The following HIPK3 variants were observed in gnomAD, a reference collection of about 807,000 sequenced individuals.
HIPK3 encodes homeodomain interacting protein kinase 3, also known as homeodomain-interacting protein kinase 3.
A neutral mutation model predicts 124.2 loss-of-function variants in HIPK3; 47 were observed. That is an observed-to-expected ratio of 0.38 (90% CI 0.30 to 0.48). The LOEUF (loss-of-function observed/expected upper bound fraction) is 0.48, where lower values mean the gene tolerates loss of function less well. Ranked by LOEUF, HIPK3 falls within the 20% of genes least tolerant of loss-of-function variation. The pLI, the probability that HIPK3 is intolerant of heterozygous loss-of-function variation, is 0.98. For missense variants in HIPK3, 1,286 were observed against 1,454.3 expected (o/e 0.88, Z 1.88); for synonymous variants, 482 against 515.2 (o/e 0.94, Z 0.87).
intron 1 of HIPK3, among the ~76,000 whole-genome samples, chr11:33,285,806 C>G (rs957923899): frequency 3.9e-5 from 6 of 151,904 alleles, no homozygotes; most frequent in Non-Finnish European, 8.8e-5. Context: ...GAGTCTTGCT[C>G]TGTCTCACAG....
At chr11:33,336,785 G>C (rs959584169) in intron 3 of HIPK3, among the ~76,000 whole-genome samples, 18 of 151,980 alleles carry the variant, frequency 1.2e-4, no homozygotes, top group Admixed American at 1.2e-3. Context: ...CACTCTTTCA[G>C]TGCAAACTCC....
At position 33,351,658 on chromosome 11, in the gene HIPK3, C is replaced by T. The variant is rs760789845; in HGVS notation, c.2858C>T (p.Pro953Leu). Reference protein sequence around the residue: ...ESSCDTVDGSPTSDSSGHDSP... With the variant: ...ESSCDTVDGSLTSDSSGHDSP... Reference sequence around the variant, plus strand: ...AGTTGTGATACGGTGGATGGCTCTCCGACATCTGACTCTTCCGGGCATGAC... The same window carrying T: ...AGTTGTGATACGGTGGATGGCTCTCTGACATCTGACTCTTCCGGGCATGAC... Residue 953 changes from proline (P) to leucine (L), a missense_variant, in exon 15 of 17, where the codon CCG (proline) becomes CTG (leucine). Coordinates refer to ENST00000303296, the MANE Select transcript of HIPK3 (RefSeq NM_005734.5). 105 of 1,614,048 alleles carry T rather than the reference C, an allele frequency of 6.5e-5. No individual in the cohort carries two copies. The highest frequency in any genetic ancestry group is 8.1e-5 in the Non-Finnish European group (95 of 1,180,030).
In HIPK3 at chr11:33,286,466, A is replaced by C; in HGVS notation, c.52A>C (p.Ser18Arg). 1 of 1,611,286 alleles carries C rather than the reference A, an allele frequency of 6.2e-7. No individual in the cohort carries two copies. Among genetic ancestry groups the C allele is most frequent in the Non-Finnish European group, 8.5e-7 (1 of 1,179,568 alleles). Residue 18 changes from serine (S) to arginine (R), a missense_variant, in exon 2 of 17, where the codon AGT (serine) becomes CGT (arginine). Physicochemically the swap from Ser to Arg is moderately radical, Grantham distance 110. Coordinates refer to ENST00000303296, the MANE Select transcript of HIPK3 (RefSeq NM_005734.5). ...YPPYVYQTQS[S>R]AFCSVKKLKV... is the part of the protein sequence containing the mutation. ...ACCATATGTTTATCAAACTCAGTCA[A>C]GTGCCTTTTGTAGTGTGAAGAAACT...
chr11:33,349,710 C>A (rs939476750), intron 14 of HIPK3, among the ~76,000 whole-genome samples: 2 of 152,088 alleles, frequency 1.3e-5, no homozygotes, highest in African/African-American at 4.8e-5. Context: ...CTTGGCCTCC[C>A]AAAGTGCTGG....
intron 2 of HIPK3, among the ~76,000 whole-genome samples, chr11:33,325,206 T>C (rs1450876354): frequency 1.3e-5 from 2 of 152,216 alleles, no homozygotes; most frequent in African/African-American, 4.8e-5. Context: ...GCTCTTTGTC[T>C]GACAGAAACT....
intron 1 of HIPK3, among the ~76,000 whole-genome samples, chr11:33,262,405 T>C (rs1486623177): frequency 6.6e-6 from 1 of 152,236 alleles, no homozygotes; most frequent in Non-Finnish European, 1.5e-5. Context: ...CTTGAGCTTT[T>C]TGGCAGACCA....
intron 2 of HIPK3, among the ~76,000 whole-genome samples, chr11:33,293,272 G>A (rs1040059772): frequency 9.2e-5 from 14 of 152,008 alleles, no homozygotes; most frequent in African/African-American, 1.9e-4. Flanking sequence ...ATGGCTTTTA[G>A]TATATTTATA....
rs374964013 is a variant in HIPK3, at chr11:33,302,339, C to CTTTTTTTTTTTT, written c.1097+14830_1097+14831insTTTTTTTTTTTT. Among the ~76,000 whole-genome samples the CTTTTTTTTTTTT allele has an allele frequency of 8.3e-3, 1,006 of 120,998 alleles. 114 individuals are homozygous for CTTTTTTTTTTTT. The highest frequency in any genetic ancestry group is 0.011 in the Non-Finnish European group (632 of 57,778). The allele number at this position is 120,998 out of a possible 152,430, so 79.4% of individuals were successfully genotyped here. A position where few individuals can be genotyped will look rare whatever the true frequency, so the allele number is the denominator to read the frequency against. On this transcript the variant is annotated intron_variant, in intron 2 of 16. Transcript: ENST00000303296. ...TGAACTTCTCTATGATAATTCCTTA[C>CTTTTTTTTTTTT]TTCTTTTTTTTTTTTTTGAGAAGGA...
In HIPK3 at chr11:33,340,960, T is replaced by G. The variant is rs1430303396; in HGVS notation, c.1614-8T>G. ...AATACTGTAATACCTTCACTTTTTC[T>G]TTTACAGTGTAAAGTCCTGTTTTCA... On this transcript the variant is annotated splice_polypyrimidine_tract_variant and splice_region_variant and intron_variant, in intron 6 of 16. Transcript: ENST00000303296. 2 of 1,531,208 alleles carry G rather than the reference T, an allele frequency of 1.3e-6. No homozygotes were observed. The highest frequency in any genetic ancestry group is 1.9e-5 in the Admixed American group (1 of 53,506). The allele number at this position is 1,531,208 out of a possible 1,614,324, so 94.9% of individuals were successfully genotyped here.
rs558674757 is a variant in HIPK3 at position 33,348,157 on chromosome 11, A to G, written c.2307-9A>G. On this transcript the variant is annotated splice_polypyrimidine_tract_variant and intron_variant, in intron 11 of 16. Transcript: ENST00000303296. ...AAACACTAAGCCAGCTCCCTTCTCA[A>G]TTTCTCAGAGGTATTTTGGTAAAAC... is the stretch of plus-strand genomic sequence containing the variant. The G allele has an allele frequency of 1.1e-5, 18 of 1,613,620 alleles. No homozygotes were observed. The highest frequency in any genetic ancestry group is 1.0e-4 in the Admixed American group (6 of 59,960).
At chr11:33,279,148 T>C (rs1851346099) in intron 1 of HIPK3, among the ~76,000 whole-genome samples, 1 of 151,956 alleles carries the variant, frequency 6.6e-6, no homozygotes, top group Non-Finnish European at 1.5e-5. Context: ...ACCCCATCTC[T>C]ACTAAAAATA....
At chr11:33,307,334 A>G (rs1356731201) in intron 2 of HIPK3, among the ~76,000 whole-genome samples, 1 of 151,932 alleles carries the variant, frequency 6.6e-6, no homozygotes, top group Non-Finnish European at 1.5e-5. Context: ...CTTTTATAAT[A>G]TGAACACACT....
Position 33,347,879 on chromosome 11 carries a change from T to C in HIPK3, c.2172T>C (p.Tyr724=). 3 of 1,614,218 alleles carry C rather than the reference T, an allele frequency of 1.9e-6. No individual in the cohort carries two copies. Among genetic ancestry groups the C allele is most frequent in the Non-Finnish European group, 2.5e-6 (3 of 1,180,018 alleles). ...AGATGATTTCATGCAGCAATCATTA[T>C]AACTCAGTGATGCCGCAGCCTCTTC... The part of the protein sequence containing the change: ...WGKMISCSNH[Y]NSVMPQPLLT... Residue 724 remains tyrosine, a synonymous_variant, in exon 11 of 17, where the codon TAT becomes TAC. Transcript: ENST00000303296.
At chr11:33,295,286 C>CCG (rs1331399933) in intron 2 of HIPK3, among the ~76,000 whole-genome samples, 1 of 149,626 alleles carries the variant, frequency 6.7e-6, no homozygotes, top group Non-Finnish European at 1.5e-5. Context: ...CGCCCCCCCC[C>CCG]CACAACTCCA....
intron 3 of HIPK3, among the ~76,000 whole-genome samples, chr11:33,334,723 C>T (rs1165701008): frequency 6.6e-6 from 1 of 152,090 alleles, no homozygotes; most frequent in Admixed American, 6.5e-5. Flanking sequence ...GGACCTCATG[C>T]AGCCCCTGGG....
chr11:33,339,168 A>G (rs968856937), intron 5 of HIPK3, among the ~76,000 whole-genome samples, 182 bp from the exon 6 acceptor site: 11 of 152,126 alleles, frequency 7.2e-5, no homozygotes, highest in African/African-American at 1.4e-4. Flanking sequence ...TTTGAATCCT[A>G]TTTGGTACCT....
rs1853667214 is a variant in HIPK3 at position 33,351,761 on chromosome 11, C to T, written c.2961C>T (p.Thr987=). ...TELVSSADTE[T]KPAVCSVVVP... is the part of the protein sequence containing the mutation. ...TGGTATCCTCTGCTGACACAGAAAC[C>T]AAGCCAGCTGTCTGTTCTGTTGTGG... Residue 987 remains threonine, a synonymous_variant, in exon 15 of 17, where the codon ACC becomes ACT. Coordinates refer to ENST00000303296, the MANE Select transcript of HIPK3 (RefSeq NM_005734.5). The T allele has an allele frequency of 2.5e-6, 4 of 1,614,166 alleles. No homozygotes were observed. Among genetic ancestry groups the T allele is most frequent in the East Asian group, 2.2e-5 (1 of 44,884 alleles).
At chr11:33,297,981 G>A (rs1851888549) in intron 2 of HIPK3, among the ~76,000 whole-genome samples, 1 of 152,048 alleles carries the variant, frequency 6.6e-6, no homozygotes, top group African/African-American at 2.4e-5. Context: ...TAGAGACAGG[G>A]TTTCACCATG....
At chr11:33,304,821 G>C (rs932224477) in intron 2 of HIPK3, among the ~76,000 whole-genome samples, 6 of 152,140 alleles carry the variant, frequency 3.9e-5, no homozygotes, top group African/African-American at 1.4e-4. Flanking sequence ...TTAGGTCAAA[G>C]CATATGTACC....
Sources: gnomAD v4.1 joint callset for allele counts (sites outside exome capture counted in the v4.1 genomes callset) on GRCh38, gnomAD v4.1.1 for gene constraint, MANE v1.5 for transcripts, NCBI Gene and HGNC (gene_info 2026-07-23, HGNC 2026-07-21) for gene names.